SCYL3: variants seen among roughly 807,000 people sequenced by gnomAD.
SCYL3 encodes the protein protein-associating with the carboxyl-terminal domain of ezrin.
SCYL3 carries 35 observed loss-of-function variants against 73.8 expected under a neutral mutation model. That is an observed-to-expected ratio of 0.47 (90% CI 0.36 to 0.63). SCYL3 has a LOEUF of 0.63. SCYL3 is among the 20% of genes least tolerant of loss of function. The pLI is 0.00. For synonymous variants in SCYL3, 277 were observed against 295.2 expected (o/e 0.94, Z 0.63); for missense variants, 712 against 798.9 (o/e 0.89, Z 1.31).
chr1:169,873,502 T>C (rs1385905296), intron 5 of SCYL3, among the ~76,000 whole-genome samples, 194 bp downstream of exon 5: 1 of 152,186 alleles, frequency 6.6e-6, no homozygotes, highest in Non-Finnish European at 1.5e-5. Context: ...ATCATAGGTG[T>C]TTATGTGACA....
Position 169,851,676 on chromosome 1 carries a change from A to G in SCYL3, c.*2037T>C. On this transcript the variant is annotated 3_prime_UTR_variant, in exon 13 of 13. Coordinates refer to ENST00000367771, the MANE Select transcript of SCYL3 (RefSeq NM_020423.7). ...GTGATTTAATCCAGATTATACTAAG[A>G]GTATTTATAGATCAGTCCATGTGAC... The G allele has an allele frequency of 1.1e-6, 1 of 889,150 alleles. No individual in the cohort carries two copies. The highest frequency in any genetic ancestry group is 1.7e-6 in the Non-Finnish European group (1 of 575,012). 55.1% of individuals were successfully genotyped at this position (889,150 alleles called of 1,614,324 possible). A position where few individuals can be genotyped will look rare whatever the true frequency, so the allele number is the denominator to read the frequency against.
At chr1:169,862,831 A>G (rs11585743) in intron 9 of SCYL3, 34 bp from the exon 10 acceptor site, 9 of 1,603,960 alleles carry the variant, frequency 5.6e-6, no homozygotes, top group African/African-American at 2.7e-5. Context: ...AGATGAAAAA[A>G]CAAATTTTCA....
In SCYL3 at chr1:169,859,119, C is replaced by G; in HGVS notation, c.1234G>C (p.Val412Leu). 1 of 1,614,088 alleles carries G rather than the reference C, an allele frequency of 6.2e-7. No individual in the cohort carries two copies. The highest frequency in any genetic ancestry group is 8.5e-7 in the Non-Finnish European group (1 of 1,180,010). ...ATCTTGGTTCGTTCTCCTCCCACAA[C>G]CACCTCTGGTCCAAGCAGAGAGACC... Reference protein sequence around the residue: ...VLVSLLGPEVVVGGERTKIFK... With the variant: ...VLVSLLGPEVLVGGERTKIFK... The change falls in exon 11 of 13, where the codon GTT becomes CTT. Residue 412 changes from valine to leucine, a missense_variant. Val to Leu is a conservative substitution (Grantham distance 32). Around this residue, in one of 2 missense-constraint regions of SCYL3, gnomAD observed 370 missense variants for 350.8 expected, o/e 1.05. Coordinates refer to ENST00000367771, the MANE Select transcript of SCYL3 (RefSeq NM_020423.7).
intron 1 of SCYL3, among the ~76,000 whole-genome samples, chr1:169,889,104 C>T (rs775465491): frequency 6.6e-6 from 1 of 152,186 alleles, no homozygotes; most frequent in Non-Finnish European, 1.5e-5. Flanking sequence ...ACTAAATAGT[C>T]ACAGGTAGTT....
At chr1:169,871,713 CAAT>C (rs1402160977) in intron 5 of SCYL3, among the ~76,000 whole-genome samples, 1 of 152,166 alleles carries the variant, frequency 6.6e-6, no homozygotes, top group Admixed American at 6.5e-5. Context: ...GTGATATGAA[CAAT>C]AAGGTCCAGG....
At position 169,853,038 on chromosome 1, in the gene SCYL3, T is replaced by G. The variant is rs1658624024; in HGVS notation, c.*675A>C. The G allele has an allele frequency of 1.3e-6, 2 of 1,563,970 alleles. No homozygotes were observed. The highest frequency in any genetic ancestry group is 2.7e-5 in the African/African-American group (2 of 73,656). On this transcript the variant is annotated 3_prime_UTR_variant, in exon 13 of 13. Transcript: ENST00000367771. ...TTGATGCTTTGTCAACTGAAAATAC[T>G]TATGTCTGTACATTTTCTAACAGAT...
At position 169,853,080 on chromosome 1, in the gene SCYL3, A is replaced by AAAG. The variant is rs561990951; in HGVS notation, c.*630_*632dup. On this transcript the variant is annotated 3_prime_UTR_variant, in exon 13 of 13. Transcript: ENST00000367771. ...CTAACAGATATAAAACAAATTTTGT[A>AAAG]AAGTTGAATCTAGTGAAAATAATCT... is the stretch of plus-strand genomic sequence containing the variant. 1.2e-4 allele frequency: 143 copies of AAAG among 1,212,252 alleles called. 1 individual carries two copies. In the South Asian group the frequency reaches 1.8e-3, roughly 16 times the overall value. The allele number at this position is 1,212,252 out of a possible 1,614,324, so 75.1% of individuals were successfully genotyped here. A position where few individuals can be genotyped will look rare whatever the true frequency, so the allele number is the denominator to read the frequency against.
chr1:169,886,088 G>A (rs1007987931), intron 2 of SCYL3, among the ~76,000 whole-genome samples: 2 of 152,276 alleles, frequency 1.3e-5, no homozygotes, highest in Non-Finnish European at 2.9e-5. Flanking sequence ...TGAGGAAGGC[G>A]GATCACGAGG....
Position 169,873,701 on chromosome 1 carries a change from C to T in SCYL3, c.517G>A (p.Glu173Lys). The T allele has an allele frequency of 6.2e-7, 1 of 1,600,038 alleles. No individual in the cohort carries two copies. The highest frequency in any genetic ancestry group is 8.6e-7 in the Non-Finnish European group (1 of 1,167,960). Residue 173 changes from glutamate (E) to lysine (K), a missense_variant, in exon 5 of 13, where the codon GAG (glutamate) becomes AAG (lysine). Glu to Lys is a moderately conservative substitution (Grantham distance 56, BLOSUM62 1). Around this residue, in one of 2 missense-constraint regions of SCYL3, gnomAD observed 342 missense variants for 448.1 expected, o/e 0.76. Coordinates refer to ENST00000367771, the MANE Select transcript of SCYL3 (RefSeq NM_020423.7). ...TGTGAAGTATATCATCTTACCATCT[C>T]TTCAGGAGGGATAGATGCTGGGTCT... Reference protein sequence around the residue: ...IRDPASIPPEEMSPEFTTLPE... With the variant: ...IRDPASIPPEKMSPEFTTLPE...
chr1:169,851,669 T>TAA lies in SCYL3; in HGVS notation c.*2043_*2044insTT. On this transcript the variant is annotated 3_prime_UTR_variant, in exon 13 of 13. Coordinates refer to ENST00000367771, the MANE Select transcript of SCYL3 (RefSeq NM_020423.7). Reference sequence around the variant, plus strand: ...CAGTAGAGTGATTTAATCCAGATTATACTAAGAGTATTTATAGATCAGTCC... The same window carrying TAA: ...CAGTAGAGTGATTTAATCCAGATTATAAACTAAGAGTATTTATAGATCAGTCC... 3.5e-6 allele frequency: 3 copies of TAA among 858,178 alleles called. No individual in the cohort carries two copies. The highest frequency in any genetic ancestry group is 5.4e-6 in the Non-Finnish European group (3 of 551,244). 53.2% of individuals were successfully genotyped at this position (858,178 alleles called of 1,614,324 possible).
intron 4 of SCYL3, among the ~76,000 whole-genome samples, chr1:169,875,291 T>G (rs1449093767): frequency 6.6e-6 from 1 of 152,206 alleles, no homozygotes; most frequent in Non-Finnish European, 1.5e-5. Flanking sequence ...GGAAATGGTT[T>G]TTATTTTTTC....
At chr1:169,858,384 C>T (rs1659356147) in intron 11 of SCYL3, among the ~76,000 whole-genome samples, 1 of 152,156 alleles carries the variant, frequency 6.6e-6, no homozygotes. Context: ...CAGCTTATTC[C>T]GCTGGAAGGT....
chr1:169,855,314 G>C (rs778342572), intron 11 of SCYL3, among the ~76,000 whole-genome samples: 8 of 152,158 alleles, frequency 5.3e-5, no homozygotes, highest in Non-Finnish European at 1.2e-4. Context: ...ACATATGCCT[G>C]AAAAAGTCTT....
intron 6 of SCYL3, 30 bp downstream of exon 6, chr1:169,870,225 T>C: frequency 7.0e-7 from 1 of 1,427,718 alleles, no homozygotes; most frequent in Non-Finnish European, 9.8e-7. Context: ...CTACTTATTC[T>C]ATAGATGCAG....
At chr1:169,871,917 TGG>T (rs1182138733) in intron 5 of SCYL3, among the ~76,000 whole-genome samples, 1 of 152,126 alleles carries the variant, frequency 6.6e-6, no homozygotes, top group Non-Finnish European at 1.5e-5. Context: ...AGAGGTGACT[TGG>T]GTGCTGTTAA....
intron 10 of SCYL3, 34 bp downstream of exon 10, chr1:169,862,575 GGTTC>G: frequency 6.2e-7 from 1 of 1,608,010 alleles, no homozygotes; most frequent in Non-Finnish European, 8.5e-7. Flanking sequence ...TCTTCCCTCA[GGTTC>G]TGTGACTACC....
intron 5 of SCYL3, 87 bp from the exon 6 acceptor site, chr1:169,870,444 T>A: frequency 1.2e-6 from 1 of 807,654 alleles, no homozygotes; most frequent in Non-Finnish European, 2.1e-6. Context: ...CCCATGTTTG[T>A]ATTTATTATA....
rs1659884239 is a variant in SCYL3, at chr1:169,864,477, C to CT, written c.846dup (p.Glu283ArgfsTer14). ...ACCAACCTTGAAGCTATCAATTCCT[C>CT]TGACAAGCAGCTGACTCTGTCCAGC... is the stretch of plus-strand genomic sequence containing the variant. On this transcript the variant is annotated frameshift_variant, in exon 9 of 13. Coordinates refer to ENST00000367771, the MANE Select transcript of SCYL3 (RefSeq NM_020423.7). LOFTEE classifies it high-confidence loss of function. 6.2e-7 allele frequency: 1 copy of CT among 1,609,484 alleles called. No individual in the cohort carries two copies. Among genetic ancestry groups the CT allele is most frequent in the African/African-American group, 1.3e-5 (1 of 74,548 alleles).
intron 12 of SCYL3, 123 bp from the exon 13 acceptor site, chr1:169,853,895 T>C: frequency 9.7e-7 from 1 of 1,036,238 alleles, no homozygotes; most frequent in Non-Finnish European, 1.4e-6. Flanking sequence ...TACCTCGTAC[T>C]AAGTAAAATA....
Sources: allele counts gnomAD v4.1 joint callset (sites outside exome capture counted in the v4.1 genomes callset), GRCh38; gene constraint gnomAD v4.1.1; regional missense constraint gnomAD v4.1.1; transcripts MANE v1.5; gene names NCBI Gene and HGNC (gene_info 2026-07-23, HGNC 2026-07-21).